Variants in FRMD4A observed in about 807,000 individuals in gnomAD.
FRMD4A encodes FERM domain-containing protein 4A.
Under a neutral mutation model 129.1 loss-of-function variants are expected in FRMD4A, and 29 were observed. The ratio of observed to expected loss-of-function variants is 0.22; its 90% CI spans 0.17 to 0.31. The LOEUF is 0.31. Among genes scored for constraint, FRMD4A ranks in the 10% least tolerant of loss-of-function variants. The pLI is 1.00. For missense variants in FRMD4A, 1,272 were observed against 1,375.8 expected, an observed-to-expected ratio of 0.92 and a Z score of 1.19; for synonymous variants, 634 against 571.6, an observed-to-expected ratio of 1.11 and a Z score of -1.56.
At chr10:13,899,081 G>A (rs577175807) in intron 2 of FRMD4A, among the ~76,000 whole-genome samples, 23 of 152,220 alleles carry the variant, frequency 1.5e-4, no homozygotes, top group Non-Finnish European at 2.9e-4. Context: ...GGGAGGATGC[G>A]GTGGGAGGAT....
chr10:13,705,230 T>C (rs944568943), intron 13 of FRMD4A, among the ~76,000 whole-genome samples: 5 of 152,218 alleles, frequency 3.3e-5, no homozygotes, highest in Non-Finnish European at 5.9e-5. Flanking sequence ...TGCTGTCTAA[T>C]AGGCGACAGG....
At chr10:14,151,514 G>C (rs1840336646) in intron 2 of FRMD4A, among the ~76,000 whole-genome samples, 1 of 152,104 alleles carries the variant, frequency 6.6e-6, no homozygotes, top group African/African-American at 2.4e-5. Context: ...GACAGGAGAG[G>C]AGAGGGTTAA....
intron 2 of FRMD4A, among the ~76,000 whole-genome samples, chr10:14,262,349 C>A (rs1253622727): frequency 3.3e-5 from 5 of 152,138 alleles, no homozygotes; most frequent in African/African-American, 1.2e-4. Context: ...ATGGGGATGG[C>A]GATGCCAACT....
At chr10:14,235,562 C>T (rs894664032) in intron 2 of FRMD4A, among the ~76,000 whole-genome samples, 1 of 152,152 alleles carries the variant, frequency 6.6e-6, no homozygotes, top group Non-Finnish European at 1.5e-5. Flanking sequence ...TAACACCTAT[C>T]CATTTGTTAC....
At chr10:13,855,731 A>C (rs1409531696) in intron 3 of FRMD4A, among the ~76,000 whole-genome samples, 1 of 152,200 alleles carries the variant, frequency 6.6e-6, no homozygotes, top group East Asian at 1.9e-4. Context: ...AAAATATGAA[A>C]TAGTTTAGGT....
chr10:14,091,110 G>A (rs770066857), intron 2 of FRMD4A, among the ~76,000 whole-genome samples: 2 of 152,162 alleles, frequency 1.3e-5, no homozygotes, highest in Non-Finnish European at 2.9e-5. Flanking sequence ...CAAGAAAAGA[G>A]ATGGAAGAAT....
intron 2 of FRMD4A, among the ~76,000 whole-genome samples, chr10:14,087,285 G>C (rs1431852835): frequency 6.9e-6 from 1 of 145,082 alleles, no homozygotes; most frequent in Non-Finnish European, 1.5e-5. Context: ...TAATATATGT[G>C]TTATATATCT....
chr10:13,977,441 A>G (rs528954751), intron 2 of FRMD4A, among the ~76,000 whole-genome samples: 187 of 152,304 alleles, frequency 1.2e-3, no homozygotes, highest in African/African-American at 4.4e-3. Context: ...TTTGTTCTTT[A>G]AATGAAGGTG....
chr10:14,112,852 A>T (rs181369959), intron 2 of FRMD4A, among the ~76,000 whole-genome samples: 129 of 152,228 alleles, frequency 8.5e-4, no homozygotes, highest in African/African-American at 2.9e-3. Flanking sequence ...TTTCTTTCCA[A>T]ATTCAAAAGG....
At chr10:14,176,893 C>T (rs370808796) in intron 2 of FRMD4A, among the ~76,000 whole-genome samples, 2 of 152,316 alleles carry the variant, frequency 1.3e-5, no homozygotes, top group South Asian at 4.1e-4. Context: ...AACAGAGATG[C>T]CGTTCCTCAT....
intron 3 of FRMD4A, among the ~76,000 whole-genome samples, chr10:13,839,979 T>C (rs1200390074): frequency 6.6e-6 from 1 of 152,176 alleles, no homozygotes; most frequent in Non-Finnish European, 1.5e-5. Flanking sequence ...CCTATAAAAA[T>C]GACGGAGTGA....
At chr10:13,819,452 C>T (rs1056358736) in intron 3 of FRMD4A, among the ~76,000 whole-genome samples, 7 of 152,158 alleles carry the variant, frequency 4.6e-5, no homozygotes, top group Non-Finnish European at 8.8e-5. Context: ...CTCTCTCCCT[C>T]CTCTGGATTT....
intron 12 of FRMD4A, among the ~76,000 whole-genome samples, chr10:13,726,001 A>T (rs2089864107): frequency 6.6e-6 from 1 of 152,244 alleles, no homozygotes; most frequent in Admixed American, 6.5e-5. Flanking sequence ...TGACTTTCTA[A>T]AATAAACTGG....
intron 20 of FRMD4A, 29 bp downstream of exon 20, chr10:13,660,287 C>A: frequency 7.2e-7 from 1 of 1,383,238 alleles, no homozygotes; most frequent in Non-Finnish European, 1.0e-6. Flanking sequence ...AGGGAGGCCT[C>A]ATTTGGCCTC....
intron 4 of FRMD4A, among the ~76,000 whole-genome samples, chr10:13,800,652 A>C (rs1474289792): frequency 6.6e-6 from 1 of 152,222 alleles, no homozygotes; most frequent in African/African-American, 2.4e-5. Flanking sequence ...GCAAGAGATT[A>C]GACTTAGGTC....
At chr10:14,262,577 G>A (rs979332576) in intron 2 of FRMD4A, among the ~76,000 whole-genome samples, 26 of 152,112 alleles carry the variant, frequency 1.7e-4, no homozygotes, top group African/African-American at 4.1e-4. Flanking sequence ...GCTAAACTGC[G>A]CTCACCTCAT....
intron 8 of FRMD4A, among the ~76,000 whole-genome samples, chr10:13,752,794 A>G (rs1304336085): frequency 6.6e-6 from 1 of 152,222 alleles, no homozygotes; most frequent in Non-Finnish European, 1.5e-5. Flanking sequence ...TCCAAAATTC[A>G]AAAAGCTAGA....
In FRMD4A at chr10:13,656,866, G is replaced by A. The variant is rs547644775; in HGVS notation, c.2723C>T (p.Ser908Leu). Residue 908 changes from serine (S) to leucine (L), a missense_variant, in exon 22 of 25, where the codon TCG becomes TTG. Coordinates refer to ENST00000357447, the MANE Select transcript of FRMD4A (RefSeq NM_018027.5). ...PSRSQILRTP[S>L]LGREGAHDKG... The stretch of plus-strand genomic sequence containing the variant: ...GTCGTGGGCGCCCTCGCGGCCCAGC[G>A]ACGGAGTCCGCAGGATCTGCGATCG... The A allele has an allele frequency of 3.8e-5, 57 of 1,488,924 alleles. No individual in the cohort carries two copies. The South Asian group carries it at 3.9e-4, about 10-fold the overall frequency. 92.2% of individuals were successfully genotyped at this position (1,488,924 alleles called of 1,614,324 possible).
chr10:13,896,969 A>G (rs115913058), intron 2 of FRMD4A, among the ~76,000 whole-genome samples: 2 of 152,236 alleles, frequency 1.3e-5, no homozygotes, highest in Admixed American at 6.5e-5. Context: ...CATGAAATTC[A>G]TATATATTAC....
Sources: allele counts gnomAD v4.1 joint callset (sites outside exome capture counted in the v4.1 genomes callset), GRCh38; gene constraint gnomAD v4.1.1; transcripts MANE v1.5; gene names NCBI Gene and HGNC (gene_info 2026-07-23, HGNC 2026-07-21).